Variants in TOX2 observed in about 807,000 individuals in gnomAD.
TOX2 encodes the protein granulosa cell HMG box 1.
Under a neutral mutation model 47.4 loss-of-function variants are expected in TOX2, and 15 were observed. That is an observed-to-expected ratio of 0.32 (90% CI 0.21 to 0.49). TOX2 has a LOEUF of 0.49. Ranked by LOEUF, TOX2 falls within the 20% of genes least tolerant of loss-of-function variation. The pLI is 0.99. For missense variants in TOX2, 622 were observed against 673.1 expected, an observed-to-expected ratio of 0.92 and a Z score of 0.84; for synonymous variants, 290 against 296.6, an observed-to-expected ratio of 0.98 and a Z score of 0.23.
chr20:43,974,836 G>A (rs2070047224), intron 2 of TOX2, among the ~76,000 whole-genome samples: 3 of 152,186 alleles, frequency 2.0e-5, no homozygotes, highest in South Asian at 2.1e-4. Context: ...CTCCCCTGCC[G>A]CTGCAGGATC....
chr20:44,053,522 C>CATATATACT (rs2071558806), intron 4 of TOX2, among the ~76,000 whole-genome samples: 26 of 144,204 alleles, frequency 1.8e-4, no homozygotes, highest in African/African-American at 6.7e-4. Flanking sequence ...TATATATACA[C>CATATATACT]ATATATATAC....
chr20:43,958,998 T>A (rs566162087), intron 1 of TOX2, among the ~76,000 whole-genome samples: 1 of 152,188 alleles, frequency 6.6e-6, no homozygotes, highest in Admixed American at 6.5e-5. Flanking sequence ...AAAAGGCCTC[T>A]TAGGACAGAG....
chr20:43,938,278 G>A (rs1189433114), intron 1 of TOX2, among the ~76,000 whole-genome samples: 1 of 152,154 alleles, frequency 6.6e-6, no homozygotes, highest in East Asian at 1.9e-4. Flanking sequence ...ACAGATGCGG[G>A]CCCCACTCAC....
At chr20:43,953,233 A>ATCATT (rs34128502) in intron 1 of TOX2, among the ~76,000 whole-genome samples, 1 of 151,482 alleles carries the variant, frequency 6.6e-6, no homozygotes, top group East Asian at 1.9e-4. Flanking sequence ...CTGTAAGAGA[A>ATCATT]TATGTTGTTT....
chr20:43,974,065 G>A (rs902534842), intron 2 of TOX2, among the ~76,000 whole-genome samples: 1 of 152,326 alleles, frequency 6.6e-6, no homozygotes, highest in Admixed American at 6.5e-5. Flanking sequence ...TCAGCTGGGA[G>A]CATCCTCACT....
chr20:44,021,604 A>G (rs531854004), intron 3 of TOX2, among the ~76,000 whole-genome samples: 4 of 152,184 alleles, frequency 2.6e-5, no homozygotes, highest in East Asian at 1.9e-4. Flanking sequence ...TAGCCAGTAC[A>G]TTGGCTGTGC....
At chr20:44,019,113 A>G (rs1368757125) in intron 3 of TOX2, among the ~76,000 whole-genome samples, 2 of 148,396 alleles carry the variant, frequency 1.3e-5, no homozygotes, top group African/African-American at 5.3e-5. Context: ...ACTGACTGAA[A>G]AATGAATGAA....
chr20:43,924,933 C>A (rs2069148799), intron 1 of TOX2, among the ~76,000 whole-genome samples: 1 of 152,150 alleles, frequency 6.6e-6, no homozygotes, highest in Non-Finnish European at 1.5e-5. Flanking sequence ...GGGTGTACTT[C>A]CCATCAAACC....
intron 1 of TOX2, among the ~76,000 whole-genome samples, chr20:43,963,617 G>A (rs1435814469): frequency 6.6e-6 from 1 of 152,162 alleles, no homozygotes; most frequent in Non-Finnish European, 1.5e-5. Context: ...TGATGGGGAG[G>A]ATTTATCACC....
At chr20:43,945,917 A>G in intron 1 of TOX2, 1 of 1,613,010 alleles carries the variant, frequency 6.2e-7, no homozygotes, top group Non-Finnish European at 8.5e-7. Flanking sequence ...CTGATTATGC[A>G]GCAGACTCGC....
intron 8 of TOX2, 40 bp downstream of exon 8, chr20:44,066,897 G>C (rs774993701): frequency 1.5e-5 from 24 of 1,587,240 alleles, no homozygotes; most frequent in Non-Finnish European, 1.9e-5. Context: ...CTGCCAGCCA[G>C]GGAGAGTGGG....
At chr20:44,046,578 A>C (rs187097157) in intron 3 of TOX2, among the ~76,000 whole-genome samples, 2 of 152,330 alleles carry the variant, frequency 1.3e-5, no homozygotes, top group Admixed American at 6.5e-5. Flanking sequence ...GATAAGCAAA[A>C]TGTAGTCTAT....
chr20:43,941,933 TG>T (rs2069408828), intron 1 of TOX2, among the ~76,000 whole-genome samples: 1 of 152,194 alleles, frequency 6.6e-6, no homozygotes, highest in Non-Finnish European at 1.5e-5. Flanking sequence ...TGGGCTTGGT[TG>T]CTACTGTAGT....
chr20:43,930,640 T>C (rs1165797088), intron 1 of TOX2, among the ~76,000 whole-genome samples: 8 of 152,228 alleles, frequency 5.3e-5, no homozygotes, highest in African/African-American at 1.9e-4. Context: ...ACAGTTGGCC[T>C]GGCCTTCGGA....
At chr20:43,917,505 C>T (rs961065090) in intron 1 of TOX2, among the ~76,000 whole-genome samples, 5 of 152,146 alleles carry the variant, frequency 3.3e-5, no homozygotes, top group Non-Finnish European at 5.9e-5. Context: ...ACAAGAGGCT[C>T]GTTGCACAGG....
At chr20:43,992,867 G>T (rs1023477506) in intron 2 of TOX2, among the ~76,000 whole-genome samples, 1 of 134,284 alleles carries the variant, frequency 7.4e-6, no homozygotes, top group Admixed American at 7.2e-5. Context: ...AAAAAAAAAA[G>T]AAAAAATGGT....
chr20:43,927,456 ATAACACACACACACACACAC>A (rs1429545469), intron 1 of TOX2, among the ~76,000 whole-genome samples: 2 of 130,650 alleles, frequency 1.5e-5, no homozygotes, highest in African/African-American at 5.6e-5. Context: ...GATGATCTAT[ATAACACACACACACACACAC>A]ACACACACAC....
intron 2 of TOX2, among the ~76,000 whole-genome samples, chr20:43,984,595 C>T (rs1373567539): frequency 6.6e-6 from 1 of 152,038 alleles, no homozygotes; most frequent in African/African-American, 2.4e-5. Flanking sequence ...GCCTATGAGA[C>T]GTTTAAATAT....
chr20:43,960,299 C>G lies in TOX2; in HGVS notation c.100-13068C>G, dbSNP rs1240878833. On this transcript the variant is annotated intron_variant, in intron 1 of 8. Coordinates refer to ENST00000341197, the MANE Select transcript of TOX2 (RefSeq NM_001098797.2). ...CTGCTTAGAGTGTTGGCTGCTGCCC[C>G]TATCAGCTGAGCCTCTCTCTGGGCA... 2.6e-5 allele frequency among the ~76,000 whole-genome samples: 4 copies of G among 152,190 alleles called. No homozygotes were observed. The South Asian group carries it at 8.3e-4, about 32-fold the overall frequency.
Sources: allele counts gnomAD v4.1 joint callset (sites outside exome capture counted in the v4.1 genomes callset), GRCh38; gene constraint gnomAD v4.1.1; transcripts MANE v1.5; gene names NCBI Gene and HGNC (gene_info 2026-07-23, HGNC 2026-07-21).